Variants in RXRA observed in about 807,000 individuals in gnomAD.
The protein encoded by RXRA is retinoid X receptor alpha.
RXRA carries 5 observed loss-of-function variants against 44.5 expected under a neutral mutation model. The observed-to-expected ratio is 0.11, with a 90% CI of 0.06 to 0.24. The LOEUF (loss-of-function observed/expected upper bound fraction) is 0.24, where lower values mean the gene tolerates loss of function less well. Ranked by LOEUF, RXRA falls within the 10% of genes least tolerant of loss-of-function variation. The probability of loss-of-function intolerance (pLI) is 1.00; values close to 1 mark genes in which losing one functional copy is unlikely to be tolerated. For synonymous variants in RXRA, 291 were observed against 271.4 expected, an observed-to-expected ratio of 1.07 and a Z score of -0.71; for missense variants, 412 against 646.5, an observed-to-expected ratio of 0.64 and a Z score of 3.93.
intron 1 of RXRA, among the ~76,000 whole-genome samples, chr9:134,356,951 C>T (rs1830291186): frequency 6.6e-6 from 1 of 152,174 alleles, no homozygotes; most frequent in Admixed American, 6.5e-5. Flanking sequence ...TGGAGGTGGC[C>T]CAAGGCCCAT....
In RXRA at chr9:134,368,691, G is replaced by A. The variant is rs1018565134; in HGVS notation, c.29-32941G>A. Among the ~76,000 whole-genome samples, 12 of 151,460 alleles carry A rather than the reference G, an allele frequency of 7.9e-5. 1 individual carries two copies. In the East Asian group the frequency reaches 9.8e-4, roughly 12 times the overall value. On this transcript the variant is annotated intron_variant, in intron 1 of 9. Coordinates refer to ENST00000481739, the MANE Select transcript of RXRA (RefSeq NM_002957.6). ...ACTGAGGATGTATGTGTGAGTATAC[G>A]TGAATGTGTGTGGATGTATGTGTGA...
chr9:134,337,486 T>A (rs1363092606), intron 1 of RXRA, among the ~76,000 whole-genome samples: 1 of 152,170 alleles, frequency 6.6e-6, no homozygotes, highest in Non-Finnish European at 1.5e-5. Flanking sequence ...ACCAGATGTT[T>A]TAACCCTCTT....
chr9:134,394,712 A>G (rs1830852921), intron 1 of RXRA, among the ~76,000 whole-genome samples: 1 of 152,160 alleles, frequency 6.6e-6, no homozygotes, highest in African/African-American at 2.4e-5. Flanking sequence ...TCATCTTGAC[A>G]TCACGCCCCC....
intron 1 of RXRA, among the ~76,000 whole-genome samples, chr9:134,391,658 A>T (rs570574625): frequency 5.8e-4 from 88 of 152,120 alleles, no homozygotes; most frequent in South Asian, 5.4e-3. Flanking sequence ...GGCCCTGGAG[A>T]GGTGAGCATT....
chr9:134,392,779 G>C (rs1450089916), intron 1 of RXRA, among the ~76,000 whole-genome samples: 1 of 152,208 alleles, frequency 6.6e-6, no homozygotes, highest in Non-Finnish European at 1.5e-5. Flanking sequence ...CCTGGGTTCA[G>C]GACTTCATTT....
intron 1 of RXRA, among the ~76,000 whole-genome samples, chr9:134,390,228 G>T (rs1323669770): frequency 1.3e-5 from 2 of 152,182 alleles, no homozygotes; most frequent in Admixed American, 1.3e-4. Flanking sequence ...CACACAGTGG[G>T]TAGGGGCCCG....
rs576627373 is a variant in RXRA, at chr9:134,427,174, A to C, written c.911-1934A>C. On this transcript the variant is annotated intron_variant, in intron 6 of 9. Coordinates refer to ENST00000481739, the MANE Select transcript of RXRA (RefSeq NM_002957.6). The stretch of plus-strand genomic sequence containing the variant: ...AGATGTTTCATTGGGCAAAAACAAA[A>C]AAAAAAAAAAGAGGGTTCTGTGGTC... The C allele has an allele frequency of 3.2e-4, 311 of 976,170 alleles. 3 individuals carry two copies. In the South Asian group the frequency reaches 0.011, roughly 35 times the overall value. The allele number at this position is 976,170 out of a possible 1,614,324, so 60.5% of individuals were successfully genotyped here. A position where few individuals can be genotyped will look rare whatever the true frequency, so the allele number is the denominator to read the frequency against.
intron 1 of RXRA, among the ~76,000 whole-genome samples, chr9:134,362,825 G>A (rs1369815067): frequency 1.3e-5 from 2 of 152,254 alleles, no homozygotes; most frequent in African/African-American, 4.8e-5. Flanking sequence ...GGCGCTTAGA[G>A]GAGGGGGCCC....
At chr9:134,404,835 G>A (rs1831023777) in intron 2 of RXRA, 1 of 152,586 alleles carries the variant, frequency 6.6e-6, no homozygotes, top group South Asian at 2.1e-4. Context: ...CTGGTGGAGA[G>A]ACCCTTCAGG....
intron 1 of RXRA, among the ~76,000 whole-genome samples, chr9:134,347,308 T>C (rs1051758086): frequency 2.0e-5 from 3 of 152,232 alleles, no homozygotes; most frequent in Non-Finnish European, 4.4e-5. Flanking sequence ...AAAATGTAAA[T>C]TGCTGGGCAG....
intron 6 of RXRA, chr9:134,427,302 C>T (rs553010113): frequency 8.6e-5 from 33 of 384,870 alleles, no homozygotes; most frequent in African/African-American, 5.7e-4. Context: ...TTTCCTAAAC[C>T]CCCGCCCCGG....
In RXRA at chr9:134,436,755, C is replaced by T. The variant is rs959961724; in HGVS notation, c.*141C>T. 2.3e-6 allele frequency: 2 copies of T among 875,586 alleles called. No homozygotes were observed. The highest frequency in any genetic ancestry group is 3.4e-5 in the African/African-American group (2 of 59,230). 54.2% of individuals were successfully genotyped at this position (875,586 alleles called of 1,614,324 possible). On this transcript the variant is annotated 3_prime_UTR_variant, in exon 10 of 10. Transcript: ENST00000481739. ...GGGGCACAGCCTGTCACTGCTCTGC[C>T]TAAGAGATGTGTTGTCACCCTCCTT...
chr9:134,378,758 G>A (rs999398741), intron 1 of RXRA, among the ~76,000 whole-genome samples: 20 of 152,186 alleles, frequency 1.3e-4, no homozygotes, highest in Admixed American at 7.9e-4. Flanking sequence ...GGGGTTTGCC[G>A]AGGGAGGCTG....
chr9:134,387,856 A>G (rs2119115542), intron 1 of RXRA, among the ~76,000 whole-genome samples: 1 of 152,108 alleles, frequency 6.6e-6, no homozygotes, highest in East Asian at 1.9e-4. Context: ...GTCTGGAGTG[A>G]TCGTGAAGGC....
intron 1 of RXRA, among the ~76,000 whole-genome samples, chr9:134,380,494 G>C (rs1564277877): frequency 6.6e-6 from 1 of 151,834 alleles, no homozygotes; most frequent in African/African-American, 2.4e-5. Flanking sequence ...CAGGTGGGCG[G>C]CCCCCCCTGG....
intron 2 of RXRA, chr9:134,406,038 G>A (rs1483474234): frequency 6.6e-6 from 1 of 152,296 alleles, no homozygotes. Context: ...AAGACAGTGA[G>A]TTGTCTGCGA....
At chr9:134,423,445 G>A (rs1424445935) in intron 6 of RXRA, 5 of 985,454 alleles carry the variant, frequency 5.1e-6, no homozygotes, top group Non-Finnish European at 6.0e-6. Context: ...AGCCAGAGAC[G>A]GGCTCCCTGT....
chr9:134,398,926 A>T (rs991874391), intron 1 of RXRA, among the ~76,000 whole-genome samples: 8 of 152,136 alleles, frequency 5.3e-5, no homozygotes, highest in Non-Finnish European at 1.2e-4. Flanking sequence ...CCTGGTGGAG[A>T]TGGCTGCAAA....
chr9:134,381,061 C>T (rs955049106), intron 1 of RXRA, among the ~76,000 whole-genome samples: 41 of 152,326 alleles, frequency 2.7e-4, no homozygotes, highest in African/African-American at 9.1e-4. Context: ...CTCTGTGACC[C>T]GGACAAGGGG....
Sources: gnomAD v4.1 joint callset for allele counts (sites outside exome capture counted in the v4.1 genomes callset) on GRCh38, gnomAD v4.1.1 for gene constraint, MANE v1.5 for transcripts, NCBI Gene and HGNC (gene_info 2026-07-23, HGNC 2026-07-21) for gene names.